ATP13A5: variants seen among roughly 807,000 people sequenced by gnomAD.
ATP13A5 encodes probable cation-transporting ATPase 13A5.
ATP13A5 carries 149 observed loss-of-function variants against 150.2 expected under a neutral mutation model. The observed-to-expected ratio is 0.99, with a 90% CI of 0.87 to 1.14. ATP13A5 has a LOEUF of 1.14. Among genes scored for constraint, ATP13A5 ranks in the 50% most tolerant of loss-of-function variants. ATP13A5 has a pLI of 0.00. For synonymous variants in ATP13A5, 497 were observed against 522.2 expected, an observed-to-expected ratio of 0.95 and a Z score of 0.66; for missense variants, 1,383 against 1,449.3, an observed-to-expected ratio of 0.95 and a Z score of 0.74.
At chr3:193,327,105 A>G in intron 12 of ATP13A5, 48 bp from the exon 13 acceptor site, 1 of 1,497,932 alleles carries the variant, frequency 6.7e-7, no homozygotes, top group Non-Finnish European at 9.1e-7. Flanking sequence ...AAAGCTTTTA[A>G]TTATATAGTA....
At chr3:193,325,099 A>C in intron 13 of ATP13A5, 85 bp from the exon 14 acceptor site, 1 of 1,361,122 alleles carries the variant, frequency 7.3e-7, no homozygotes, top group Non-Finnish European at 1.0e-6. Flanking sequence ...GGAGCTCCAA[A>C]CACCTAACGT....
At position 193,344,989 on chromosome 3, in the gene ATP13A5, A is replaced by G; in HGVS notation, c.814+14T>C. ...AATATTAAGATGCTGAAGATGGCCTAACACATCACTTACCTTTGTCTTTTA... is the reference window on the plus strand; with the variant it reads ...AATATTAAGATGCTGAAGATGGCCTGACACATCACTTACCTTTGTCTTTTA... On this transcript the variant is annotated intron_variant, in intron 8 of 29. Transcript: ENST00000342358. 1 of 1,609,152 alleles carries G rather than the reference A, an allele frequency of 6.2e-7. No homozygotes were observed. Among genetic ancestry groups the G allele is most frequent in the South Asian group, 1.1e-5 (1 of 90,950 alleles).
intron 12 of ATP13A5, among the ~76,000 whole-genome samples, chr3:193,328,473 A>G (rs1711506611): frequency 1.3e-5 from 2 of 152,226 alleles, no homozygotes. Flanking sequence ...CTTAATTCAA[A>G]CTGATATGTT....
In ATP13A5 at chr3:193,345,014, A is replaced by T; in HGVS notation, c.803T>A (p.Val268Glu). Residue 268 changes from valine (V) to glutamate (E), a missense_variant, in exon 8 of 30, where the codon GTA becomes GAA. Val to Glu is a moderately radical substitution (Grantham distance 121, BLOSUM62 -2). Coordinates refer to ENST00000342358, the MANE Select transcript of ATP13A5 (RefSeq NM_198505.4). ...DHNKVQVTIIVKDKGLEELES... is the reference protein window; with the variant it reads ...DHNKVQVTIIEKDKGLEELES... Reference sequence around the variant, plus strand: ...AACACATCACTTACCTTTGTCTTTTACAATGATTGTAACCTGGACTTTGTT... The same window carrying T: ...AACACATCACTTACCTTTGTCTTTTTCAATGATTGTAACCTGGACTTTGTT... 6.2e-7 allele frequency: 1 copy of T among 1,613,534 alleles called. No individual in the cohort carries two copies. The highest frequency in any genetic ancestry group is 8.5e-7 in the Non-Finnish European group (1 of 1,179,526).
chr3:193,341,924 G>A (rs1395953508), intron 9 of ATP13A5, among the ~76,000 whole-genome samples: 1 of 152,224 alleles, frequency 6.6e-6, no homozygotes, highest in African/African-American at 2.4e-5. Context: ...AAAAGGTGAT[G>A]AGGCAGGAAG....
chr3:193,344,651 C>A (rs753278601), intron 8 of ATP13A5, among the ~76,000 whole-genome samples: 16 of 152,104 alleles, frequency 1.1e-4, no homozygotes, highest in Non-Finnish European at 2.1e-4. Flanking sequence ...AAGGTTTACC[C>A]AATGTTATTC....
chr3:193,293,130 A>G (rs1718034064), intron 25 of ATP13A5, among the ~76,000 whole-genome samples: 1 of 152,082 alleles, frequency 6.6e-6, no homozygotes, highest in South Asian at 2.1e-4. Context: ...TGGAAACCCC[A>G]GTATTTCTGA....
intron 24 of ATP13A5, 61 bp downstream of exon 24, chr3:193,301,150 G>T: frequency 1.6e-6 from 2 of 1,283,268 alleles, no homozygotes; most frequent in Non-Finnish European, 2.3e-6. Flanking sequence ...GCTACACCCT[G>T]AATAATAAAT....
chr3:193,324,045 T>C (rs1346664091), intron 14 of ATP13A5: 2 of 152,160 alleles, frequency 1.3e-5, no homozygotes, highest in Non-Finnish European at 2.9e-5. Flanking sequence ...AGATTCATAG[T>C]CTCAGTGGTC....
chr3:193,314,178 G>A lies in ATP13A5; in HGVS notation c.2174C>T (p.Thr725Met), dbSNP rs777644226. The A allele has an allele frequency of 1.9e-5, 31 of 1,613,432 alleles. No homozygotes were observed. Among genetic ancestry groups the A allele is most frequent in the East Asian group, 1.8e-4 (8 of 44,868 alleles). The part of the protein sequence containing the change: ...TVMITGDNLQ[T>M]AITVAKNSEM... ...AGAATTCTTTGCAACAGTAATGGCC[G>A]TTTGAAGGTTATCACCTAGAAGACA... The change falls in exon 19 of 30, where the codon ACG becomes ATG. Residue 725 changes from threonine to methionine, a missense_variant. By Grantham distance (81) the Thr-to-Met change is moderately conservative (BLOSUM62 -1). This residue lies in a region of ATP13A5 where 568 missense variants were observed against 621.5 expected (regional missense o/e 0.91). Transcript: ENST00000342358.
chr3:193,353,348 A>G (rs4613406), intron 6 of ATP13A5, among the ~76,000 whole-genome samples: 81,730 of 151,238 alleles, frequency 0.54, 22,309 homozygotes, highest in African/African-American at 0.61. Context: ...CACAAGGAAA[A>G]TATTTTTAAA....
chr3:193,324,232 G>A lies in ATP13A5; in HGVS notation c.1674+632C>T, dbSNP rs146484082. On this transcript the variant is annotated intron_variant, in intron 14 of 29. Coordinates refer to ENST00000342358, the MANE Select transcript of ATP13A5 (RefSeq NM_198505.4). ...CCGTTTTCATTCACACTCAGCTCAG[G>A]AGATTGAACCAGTTGGAATGCAGTC... is the stretch of plus-strand genomic sequence containing the variant. Among the ~76,000 whole-genome samples, 388 of 152,222 alleles carry A rather than the reference G, an allele frequency of 2.5e-3. 1 individual carries two copies. The highest frequency in any genetic ancestry group is 9.0e-3 in the African/African-American group (374 of 41,518).
chr3:193,303,640 G>A (rs943229272), intron 23 of ATP13A5, among the ~76,000 whole-genome samples: 14 of 151,948 alleles, frequency 9.2e-5, no homozygotes, highest in South Asian at 2.1e-4. Flanking sequence ...TCTGAATGGT[G>A]GATTATGACA....
At chr3:193,325,704 T>A (rs1719443891) in intron 13 of ATP13A5, among the ~76,000 whole-genome samples, 2 of 152,110 alleles carry the variant, frequency 1.3e-5, no homozygotes, top group Admixed American at 1.3e-4. Context: ...CCCTTTAGAG[T>A]TTGCCCCTAC....
At position 193,343,993 on chromosome 3, in the gene ATP13A5, A is replaced by G; in HGVS notation, c.877T>C (p.Phe293Leu). ...PGDILILPGK[F>L]SLPCDAVLID... ...AAAACAGCATCACATGGCAATGAAA[A>G]TTTTCCTGGAAGAATAAGAATGTCT... The change falls in exon 9 of 30, where the codon TTT becomes CTT. Residue 293 changes from phenylalanine (F) to leucine (L), a missense_variant. Physicochemically the swap from Phe to Leu is conservative, Grantham distance 22. Around this residue, in one of 3 missense-constraint regions of ATP13A5, gnomAD observed 787 missense variants for 771.9 expected, o/e 1.02. Transcript: ENST00000342358. 6.2e-7 allele frequency: 1 copy of G among 1,613,400 alleles called. No homozygotes were observed. The highest frequency in any genetic ancestry group is 1.1e-5 in the South Asian group (1 of 91,052).
At chr3:193,282,316 TAATA>T (rs1209837684) in intron 27 of ATP13A5, among the ~76,000 whole-genome samples, 1 of 152,184 alleles carries the variant, frequency 6.6e-6, no homozygotes, top group Non-Finnish European at 1.5e-5. Context: ...AATAATTCGT[TAATA>T]AATATAATGG....
chr3:193,347,252 C>T (rs891336342), intron 7 of ATP13A5, among the ~76,000 whole-genome samples: 2 of 143,798 alleles, frequency 1.4e-5, no homozygotes, highest in Admixed American at 1.4e-4. Flanking sequence ...ATGTGCCAGG[C>T]ATTGTTGTAG....
chr3:193,358,125 T>G (rs917752977), intron 5 of ATP13A5, among the ~76,000 whole-genome samples: 4 of 150,784 alleles, frequency 2.7e-5, no homozygotes, highest in Non-Finnish European at 5.9e-5. Context: ...ACCTATTTTT[T>G]GCTCACTGCT....
At chr3:193,328,061 A>G (rs1188427729) in intron 12 of ATP13A5, among the ~76,000 whole-genome samples, 2 of 152,226 alleles carry the variant, frequency 1.3e-5, no homozygotes, top group Non-Finnish European at 2.9e-5. Context: ...AAGTGTTTAC[A>G]ATGCTTTCCA....
Sources: allele counts gnomAD v4.1 joint callset (sites outside exome capture counted in the v4.1 genomes callset), GRCh38; gene constraint gnomAD v4.1.1; regional missense constraint gnomAD v4.1.1; transcripts MANE v1.5; gene names NCBI Gene and HGNC (gene_info 2026-07-23, HGNC 2026-07-21).